RANBP2: variants seen among roughly 807,000 people sequenced by gnomAD.
RANBP2 encodes the protein E3 SUMO-protein ligase RanBP2.
In RANBP2, 57 loss-of-function variants were observed where a neutral mutation model predicts 303.6. The observed-to-expected ratio is 0.19, with a 90% CI of 0.15 to 0.23. RANBP2 has a LOEUF of 0.23. Among genes scored for constraint, RANBP2 ranks in the 10% least tolerant of loss-of-function variants. The probability of loss-of-function intolerance (pLI) is 1.00; values close to 1 mark genes in which losing one functional copy is unlikely to be tolerated. For missense variants in RANBP2, 3,138 were observed against 3,780.8 expected (o/e 0.83, Z 4.46); for synonymous variants, 1,167 against 1,301.5 (o/e 0.90, Z 2.23).
chr2:109,394,515 C>T, the RANBP2 span, among the ~76,000 whole-genome samples: 1 of 152,188 alleles, frequency 6.6e-6, no homozygotes, highest in East Asian at 1.9e-4. Context: ...AGGAGCAGTC[C>T]TCATGATGAA....
At chr2:109,004,617 G>A in the RANBP2 span, among the ~76,000 whole-genome samples, 41 of 152,212 alleles carry the variant, frequency 2.7e-4, no homozygotes, top group Admixed American at 1.8e-3. Context: ...GCGAGAAGAG[G>A]GTGGAGCAAA....
chr2:109,344,072 CT>C, the RANBP2 span, among the ~76,000 whole-genome samples: 1 of 152,150 alleles, frequency 6.6e-6, no homozygotes, highest in African/African-American at 2.4e-5. Context: ...ACTTTCCCCC[CT>C]GTATCCCCAT....
chr2:109,475,135 G>A, the RANBP2 span, among the ~76,000 whole-genome samples: 7 of 152,056 alleles, frequency 4.6e-5, no homozygotes, highest in East Asian at 1.9e-4. Context: ...GCACCACCAC[G>A]CCCAGCTAAT....
chr2:109,647,265 G>A, the RANBP2 span, among the ~76,000 whole-genome samples: 1 of 146,896 alleles, frequency 6.8e-6, no homozygotes, highest in Admixed American at 7.2e-5. Flanking sequence ...CTGGGTTCAA[G>A]CGATTCTTCT....
At chr2:109,326,010 A>G in the RANBP2 span, among the ~76,000 whole-genome samples, 1 of 152,278 alleles carries the variant, frequency 6.6e-6, no homozygotes, top group Non-Finnish European at 1.5e-5. Context: ...AAACATTAGT[A>G]TATCTACCAT....
chr2:108,739,473 T>G (rs1167353370), intron 6 of RANBP2, among the ~76,000 whole-genome samples: 1 of 152,176 alleles, frequency 6.6e-6, no homozygotes, highest in East Asian at 1.9e-4. Context: ...AATTTTTTTT[T>G]GGTATTATCG....
the RANBP2 span, among the ~76,000 whole-genome samples, chr2:109,763,661 T>C: frequency 6.6e-6 from 1 of 150,384 alleles, no homozygotes; most frequent in Non-Finnish European, 1.5e-5. Context: ...TGAATTATTG[T>C]ATTAGAGCAA....
At chr2:109,378,009 C>A in the RANBP2 span, among the ~76,000 whole-genome samples, 2 of 152,210 alleles carry the variant, frequency 1.3e-5, no homozygotes, top group African/African-American at 4.8e-5. Context: ...GCAGCTCCGC[C>A]GTGTTGGATT....
the RANBP2 span, among the ~76,000 whole-genome samples, chr2:108,853,983 A>AAAT: frequency 2.1e-4 from 2 of 9,442 alleles, no homozygotes; most frequent in African/African-American, 3.6e-4. Context: ...TATAATATAT[A>AAAT]ATATATAATA....
At chr2:108,917,477 A>T in the RANBP2 span, among the ~76,000 whole-genome samples, 1 of 152,232 alleles carries the variant, frequency 6.6e-6, no homozygotes, top group Non-Finnish European at 1.5e-5. Context: ...CCCTGATCAG[A>T]TCATGACACT....
At chr2:108,934,774 C>G in the RANBP2 span, among the ~76,000 whole-genome samples, 2 of 152,326 alleles carry the variant, frequency 1.3e-5, no homozygotes, top group East Asian at 3.9e-4. Flanking sequence ...GAGGGCAGAG[C>G]CTCACGACCT....
chr2:109,108,234 T>C, the RANBP2 span, among the ~76,000 whole-genome samples: 2 of 151,980 alleles, frequency 1.3e-5, no homozygotes. Flanking sequence ...AGAGACGGGG[T>C]TTCACCATGT....
chr2:109,171,189 G>A, the RANBP2 span, among the ~76,000 whole-genome samples: 15 of 152,218 alleles, frequency 9.9e-5, no homozygotes, highest in Admixed American at 5.2e-4. Context: ...GTTTATTTAT[G>A]TATATAAAGT....
chr2:108,789,028 G>C (rs1573894819), downstream of RANBP2: 1 of 1,569,718 alleles, frequency 6.4e-7, no homozygotes, highest in East Asian at 2.2e-5. Context: ...CTGAGAAAGA[G>C]AAAAGGGCAG....
the RANBP2 span, among the ~76,000 whole-genome samples, chr2:108,815,322 AC>A: frequency 2.6e-5 from 4 of 152,086 alleles, no homozygotes; most frequent in Non-Finnish European, 5.9e-5. Flanking sequence ...ATCTTATCAA[AC>A]TTGGATAAAG....
chr2:109,552,104 A>G, the RANBP2 span, among the ~76,000 whole-genome samples: 1 of 152,214 alleles, frequency 6.6e-6, no homozygotes, highest in Non-Finnish European at 1.5e-5. Flanking sequence ...CCTATTGCAA[A>G]CTGTGCATGT....
chr2:109,423,403 C>T, the RANBP2 span, among the ~76,000 whole-genome samples: 7 of 152,138 alleles, frequency 4.6e-5, no homozygotes, highest in Admixed American at 6.5e-5. Context: ...GCCATTTGTG[C>T]GTGTGGTCAA....
At chr2:109,585,710 G>C in the RANBP2 span, 1 of 1,563,184 alleles carries the variant, frequency 6.4e-7, no homozygotes, top group Non-Finnish European at 8.8e-7. Context: ...GGAAGAGTAG[G>C]TGGCACGTAC....
the RANBP2 span, chr2:109,615,543 G>C: frequency 1.9e-6 from 3 of 1,613,976 alleles, no homozygotes; most frequent in Non-Finnish European, 2.5e-6. Context: ...AGCCATGCAC[G>C]GCCACGTGGA....
Sources: gnomAD v4.1 joint callset for allele counts (sites outside exome capture counted in the v4.1 genomes callset) on GRCh38, gnomAD v4.1.1 for gene constraint, MANE v1.5 for transcripts, NCBI Gene and HGNC (gene_info 2026-07-23, HGNC 2026-07-21) for gene names.